WDR49: variants seen among roughly 807,000 people sequenced by gnomAD.
WDR49 encodes cilia- and flagella-associated protein 337.
WDR49 carries 107 observed loss-of-function variants against 119.5 expected under a neutral mutation model. The observed-to-expected ratio is 0.90, with a 90% CI of 0.77 to 1.05. The LOEUF (loss-of-function observed/expected upper bound fraction) is 1.05. Among genes scored for constraint, WDR49 ranks in the 50% least tolerant of loss-of-function variants. The pLI, the probability that WDR49 is intolerant of heterozygous loss-of-function variation, is 0.00. For missense variants in WDR49, 1,240 were observed against 1,220.5 expected (o/e 1.02, Z -0.24); for synonymous variants, 425 against 418.8 (o/e 1.01, Z -0.18).
intron 2 of WDR49, among the ~76,000 whole-genome samples, chr3:167,630,981 A>T (rs1432108675): frequency 2.0e-5 from 3 of 151,952 alleles, no homozygotes; most frequent in Non-Finnish European, 4.4e-5. Flanking sequence ...CCACCACCAC[A>T]CTTGGGGGCC....
At chr3:167,517,266 AACTGTACT>A (rs1227593242) in intron 16 of WDR49, among the ~76,000 whole-genome samples, 1 of 152,196 alleles carries the variant, frequency 6.6e-6, no homozygotes, top group Non-Finnish European at 1.5e-5. Flanking sequence ...CCCAACTTCA[AACTGTACT>A]ACACGGCTAC....
At chr3:167,641,006 T>A (rs751707414) in intron 2 of WDR49, among the ~76,000 whole-genome samples, 2 of 151,916 alleles carry the variant, frequency 1.3e-5, no homozygotes, top group African/African-American at 2.4e-5. Flanking sequence ...AAATGCTTAC[T>A]GAATGGAAAG....
At chr3:167,591,434 T>G (rs554367923) in intron 7 of WDR49, among the ~76,000 whole-genome samples, 1 of 152,046 alleles carries the variant, frequency 6.6e-6, no homozygotes, top group Non-Finnish European at 1.5e-5. Flanking sequence ...TCTTCTATAG[T>G]GCAAAGTCTG....
intron 3 of WDR49, among the ~76,000 whole-genome samples, chr3:167,624,345 TAA>T (rs200365249): frequency 7.0e-6 from 1 of 143,530 alleles, no homozygotes. Context: ...TATGCCATGG[TAA>T]AAAAAAAAAG....
chr3:167,488,850 C>A (rs1204711355), intron 18 of WDR49, among the ~76,000 whole-genome samples: 1 of 152,074 alleles, frequency 6.6e-6, no homozygotes, highest in Non-Finnish European at 1.5e-5. Context: ...CTCCTCACTC[C>A]ATTCTAGCAA....
Position 167,576,051 on chromosome 3 carries a change from T to C in WDR49, c.1376A>G (p.Glu459Gly). ...CGAGATGAAAAGTCGTCCATGGGCT[T>C]CATCAAAGTGGAAGAGACATCTGAA... ...QDFRCLFHFDEAHGRLFISFN... is the reference protein window; with the variant it reads ...QDFRCLFHFDGAHGRLFISFN... Residue 459 changes from glutamate (E) to glycine (G), a missense_variant, in exon 8 of 19, where the codon GAA becomes GGA. Physicochemically the swap from Glu to Gly is moderately conservative, Grantham distance 98. Coordinates refer to ENST00000682715, the MANE Select transcript of WDR49 (RefSeq NM_001366157.1). 6.2e-7 allele frequency: 1 copy of C among 1,614,174 alleles called. No individual in the cohort carries two copies. The highest frequency in any genetic ancestry group is 8.5e-7 in the Non-Finnish European group (1 of 1,180,020).
At chr3:167,527,019 G>A (rs945424617) in intron 15 of WDR49, among the ~76,000 whole-genome samples, 4 of 152,018 alleles carry the variant, frequency 2.6e-5, no homozygotes, top group African/African-American at 9.7e-5. Context: ...AAAGCAAAAG[G>A]AAAAAATAAC....
intron 9 of WDR49, among the ~76,000 whole-genome samples, chr3:167,555,650 C>T (rs138828603): frequency 1.1e-3 from 164 of 152,200 alleles, no homozygotes; most frequent in African/African-American, 3.7e-3. Context: ...TTGGAGGACA[C>T]CCAACTGGTG....
rs762314629 is a variant in WDR49 at position 167,576,014 on chromosome 3, C to G, written c.1413G>C (p.Gln471His). 1.9e-6 allele frequency: 3 copies of G among 1,614,134 alleles called. No homozygotes were observed. The part of the protein sequence containing the change: ...HGRLFISFNN[Q>H]LALLAMKSEA... ...CACTTTTCATTGCCAACAATGCTAG[C>G]TGGTTATTAAACGAGATGAAAAGTC... is the stretch of plus-strand genomic sequence containing the variant. The change falls in exon 8 of 19, where the codon CAG becomes CAC. Residue 471 changes from glutamine to histidine, a missense_variant. Coordinates refer to ENST00000682715, the MANE Select transcript of WDR49 (RefSeq NM_001366157.1).
intron 18 of WDR49, among the ~76,000 whole-genome samples, chr3:167,499,429 T>C (rs1047186575): frequency 6.6e-6 from 1 of 152,216 alleles, no homozygotes; most frequent in African/African-American, 2.4e-5. Context: ...AAACTTAAAC[T>C]TTTTATTAAT....
intron 15 of WDR49, among the ~76,000 whole-genome samples, chr3:167,525,985 T>G (rs768613852): frequency 1.3e-5 from 2 of 151,762 alleles, no homozygotes; most frequent in Non-Finnish European, 2.9e-5. Context: ...GGCACTTATA[T>G]TCAAGACAGC....
chr3:167,504,491 T>C (rs866110856), intron 17 of WDR49, among the ~76,000 whole-genome samples: 3 of 152,234 alleles, frequency 2.0e-5, no homozygotes, highest in South Asian at 2.1e-4. Flanking sequence ...TGAAAATGTT[T>C]ATCCAATGCC....
chr3:167,619,952 A>G (rs2108320756), intron 5 of WDR49, among the ~76,000 whole-genome samples: 1 of 152,104 alleles, frequency 6.6e-6, no homozygotes. Context: ...AGATTAGAGA[A>G]ATTCAGTCAT....
intron 10 of WDR49, among the ~76,000 whole-genome samples, chr3:167,545,845 C>T (rs1712157243): frequency 6.7e-6 from 1 of 149,872 alleles, no homozygotes; most frequent in Non-Finnish European, 1.5e-5. Context: ...ACCACCTGTA[C>T]CCCCAAAACT....
At chr3:167,529,005 G>A in intron 14 of WDR49, 47 bp downstream of exon 14, 2 of 1,455,310 alleles carry the variant, frequency 1.4e-6, no homozygotes, top group South Asian at 3.1e-5. Flanking sequence ...TGCAACAAAG[G>A]GTCACCAAAA....
chr3:167,650,536 C>T (rs1299889337), intron 2 of WDR49, among the ~76,000 whole-genome samples: 1 of 152,142 alleles, frequency 6.6e-6, no homozygotes, highest in Non-Finnish European at 1.5e-5. Flanking sequence ...GAATTTTTGC[C>T]TGCTAAGAAA....
chr3:167,541,039 G>A (rs1711787687), intron 10 of WDR49, among the ~76,000 whole-genome samples: 1 of 151,938 alleles, frequency 6.6e-6, no homozygotes, highest in Non-Finnish European at 1.5e-5. Flanking sequence ...AAGACTCCAA[G>A]AAATTTGAGA....
At chr3:167,610,347 G>C (rs1577275258) in intron 5 of WDR49, among the ~76,000 whole-genome samples, 1 of 152,176 alleles carries the variant, frequency 6.6e-6, no homozygotes, top group Non-Finnish European at 1.5e-5. Flanking sequence ...CAGCACTGAC[G>C]ACAAGCTGAC....
chr3:167,654,160 A>G (rs1718512477), upstream of WDR49, among the ~76,000 whole-genome samples: 1 of 152,220 alleles, frequency 6.6e-6, no homozygotes, highest in South Asian at 2.1e-4. Flanking sequence ...TGTATTATTT[A>G]AAGACAACTT....
Sources: gnomAD v4.1 joint callset for allele counts (sites outside exome capture counted in the v4.1 genomes callset) on GRCh38, gnomAD v4.1.1 for gene constraint, MANE v1.5 for transcripts, NCBI Gene and HGNC (gene_info 2026-07-23, HGNC 2026-07-21) for gene names.